The following CMSS1 variants were observed in gnomAD, a reference collection of about 807,000 sequenced individuals.
The protein encoded by CMSS1 is protein CMSS1.
A neutral mutation model predicts 43.5 loss-of-function variants in CMSS1; 33 were observed. The observed-to-expected ratio is 0.76, with a 90% CI of 0.57 to 1.01. CMSS1 has a LOEUF of 1.01. Ranked by LOEUF, CMSS1 falls within the 50% of genes least tolerant of loss-of-function variation. The pLI, the probability that CMSS1 is intolerant of heterozygous loss-of-function variation, is 0.00. For missense variants in CMSS1, 313 were observed against 326.4 expected (o/e 0.96, Z 0.32); for synonymous variants, 115 against 117.2 (o/e 0.98, Z 0.12).
In CMSS1 at chr3:100,142,405, A is replaced by C. The variant is rs143042269; in HGVS notation, c.65-4568A>C. Among the ~76,000 whole-genome samples the C allele has an allele frequency of 2.8e-4, 43 of 152,338 alleles. No individual in the cohort carries two copies. The East Asian group carries it at 8.3e-3, about 29-fold the overall frequency. On this transcript the variant is annotated intron_variant, in intron 1 of 9. Coordinates refer to ENST00000421999, the MANE Select transcript of CMSS1 (RefSeq NM_032359.4). ...CTATACATAGTATTTATATTGTATC[A>C]GGTATTATAAGTAATCTAGAGATAA...
At chr3:100,013,545 G>A (rs574236916) in intron 1 of CMSS1, among the ~76,000 whole-genome samples, 25 of 152,200 alleles carry the variant, frequency 1.6e-4, no homozygotes, top group African/African-American at 6.0e-4. Flanking sequence ...CACTCGGCTG[G>A]CCAGTGAGTT....
intron 4 of CMSS1, among the ~76,000 whole-genome samples, 181 bp downstream of exon 4, chr3:100,162,613 G>A (rs2067033929): frequency 6.6e-6 from 1 of 152,126 alleles, no homozygotes; most frequent in Non-Finnish European, 1.5e-5. Context: ...TTTGAAACCA[G>A]CCTGGGCGAT....
At chr3:99,841,719 C>T (rs1035507022) in intron 1 of CMSS1, among the ~76,000 whole-genome samples, 2 of 152,098 alleles carry the variant, frequency 1.3e-5, no homozygotes, top group Non-Finnish European at 2.9e-5. Context: ...ATGGCAAACA[C>T]ACATATAAAA....
intron 1 of CMSS1, among the ~76,000 whole-genome samples, chr3:100,003,899 G>T (rs777926812): frequency 2.0e-5 from 3 of 152,136 alleles, no homozygotes; most frequent in Non-Finnish European, 2.9e-5. Flanking sequence ...AAGAGAGAAG[G>T]CATAAAAATT....
intron 1 of CMSS1, among the ~76,000 whole-genome samples, chr3:99,901,277 A>C (rs1044894304): frequency 6.6e-6 from 1 of 152,222 alleles, no homozygotes; most frequent in Non-Finnish European, 1.5e-5. Context: ...TGCTCCAATG[A>C]GAAGAGTAGT....
intron 1 of CMSS1, among the ~76,000 whole-genome samples, chr3:99,982,844 T>C (rs1323293432): frequency 6.6e-6 from 1 of 152,212 alleles, no homozygotes; most frequent in Non-Finnish European, 1.5e-5. Context: ...TGGTAATTTA[T>C]GCAGCAATAA....
intron 1 of CMSS1, among the ~76,000 whole-genome samples, chr3:99,990,625 A>C (rs986672776): frequency 6.6e-6 from 1 of 152,180 alleles, no homozygotes; most frequent in Admixed American, 6.5e-5. Context: ...AAACCAATTA[A>C]ATCAGAATCT....
chr3:100,068,720 C>G (rs994730728), intron 1 of CMSS1, among the ~76,000 whole-genome samples: 1 of 152,120 alleles, frequency 6.6e-6, no homozygotes, highest in Non-Finnish European at 1.5e-5. Flanking sequence ...CTCTATCTCC[C>G]AGGTTCAAGC....
At chr3:100,086,421 GA>G (rs374149787) in intron 1 of CMSS1, among the ~76,000 whole-genome samples, 2,487 of 151,810 alleles carry the variant, frequency 0.016, 42 homozygotes, top group African/African-American at 0.037. Context: ...CATAAAGGGG[GA>G]AAAAAAATCC....
At chr3:99,850,165 C>T (rs748761929) in intron 1 of CMSS1, 27 of 1,610,490 alleles carry the variant, frequency 1.7e-5, no homozygotes, top group East Asian at 4.5e-5. Context: ...CATTGTTTTC[C>T]GTTCATCTAC....
chr3:100,095,302 A>G (rs2066185689), intron 1 of CMSS1, among the ~76,000 whole-genome samples: 1 of 152,152 alleles, frequency 6.6e-6, no homozygotes, highest in African/African-American at 2.4e-5. Context: ...TTCCATTAAC[A>G]CTATATATCA....
intron 1 of CMSS1, among the ~76,000 whole-genome samples, chr3:99,893,252 G>A (rs1465925859): frequency 5.7e-5 from 8 of 140,330 alleles, no homozygotes; most frequent in Admixed American, 1.6e-4. Context: ...TGCAACCTCC[G>A]CCTCCCGGGT....
intron 1 of CMSS1, among the ~76,000 whole-genome samples, chr3:99,986,839 A>G (rs1228060292): frequency 3.3e-5 from 5 of 152,216 alleles, no homozygotes; most frequent in Non-Finnish European, 7.4e-5. Flanking sequence ...ACAACCCTCC[A>G]CAGCAAAGAG....
intron 1 of CMSS1, among the ~76,000 whole-genome samples, chr3:99,915,152 AATGGGCTTGTCTTAT>A (rs1706912230): frequency 6.6e-6 from 1 of 152,058 alleles, no homozygotes; most frequent in Admixed American, 6.5e-5. Flanking sequence ...TCCTCATCAA[AATGGGCTTGTCTTAT>A]ATCCCATTCT....
intron 2 of CMSS1, among the ~76,000 whole-genome samples, chr3:100,149,653 T>C (rs1183077395): frequency 6.6e-6 from 1 of 152,174 alleles, no homozygotes; most frequent in Non-Finnish European, 1.5e-5. Context: ...CTGCATGTGC[T>C]CCTCTGCCTC....
At chr3:99,936,287 C>T (rs979865587) in intron 1 of CMSS1, among the ~76,000 whole-genome samples, 3 of 148,490 alleles carry the variant, frequency 2.0e-5, no homozygotes, top group African/African-American at 7.4e-5. Flanking sequence ...GTATTCATTA[C>T]TTATCATATA....
chr3:99,971,293 T>G (rs1490233661), intron 1 of CMSS1, among the ~76,000 whole-genome samples: 4 of 147,342 alleles, frequency 2.7e-5, no homozygotes, highest in African/African-American at 7.6e-5. Context: ...TGAGCCAAGA[T>G]CGTGCCACTG....
intron 9 of CMSS1, 135 bp downstream of exon 9, chr3:100,176,550 G>A: frequency 5.0e-6 from 3 of 604,962 alleles, no homozygotes; most frequent in Non-Finnish European, 8.7e-6. Flanking sequence ...TTTTAACTCT[G>A]AGCTAACTAT....
At chr3:99,893,234 C>T (rs1323580030) in intron 1 of CMSS1, among the ~76,000 whole-genome samples, 2 of 145,888 alleles carry the variant, frequency 1.4e-5, no homozygotes, top group African/African-American at 5.1e-5. Flanking sequence ...GGCGCAATCT[C>T]GGCTCACTGC....
Sources: allele counts gnomAD v4.1 joint callset (sites outside exome capture counted in the v4.1 genomes callset), GRCh38; gene constraint gnomAD v4.1.1; transcripts MANE v1.5; gene names NCBI Gene and HGNC (gene_info 2026-07-23, HGNC 2026-07-21).